PPP1R16B: variants seen among roughly 807,000 people sequenced by gnomAD.
PPP1R16B encodes protein phosphatase 1 regulatory subunit 16B, also known as protein phosphatase 1 regulatory inhibitor subunit 16B.
In PPP1R16B, 14 loss-of-function variants were observed where a neutral mutation model predicts 61.7. The observed-to-expected ratio is 0.23, with a 90% confidence interval of 0.15 to 0.35. PPP1R16B has a LOEUF of 0.35. Ranked by LOEUF, PPP1R16B falls within the 10% of genes least tolerant of loss-of-function variation. The pLI is 1.00. For synonymous variants in PPP1R16B, 266 were observed against 305.3 expected (o/e 0.87, Z 1.34); for missense variants, 547 against 752.5 (o/e 0.73, Z 3.19).
intron 2 of PPP1R16B, among the ~76,000 whole-genome samples, chr20:38,847,154 A>G (rs2084940531): frequency 6.6e-6 from 1 of 152,216 alleles, no homozygotes; most frequent in African/African-American, 2.4e-5. Flanking sequence ...GTGTGTATCC[A>G]TCCCTGCTAT....
intron 1 of PPP1R16B, among the ~76,000 whole-genome samples, chr20:38,814,497 A>G (rs1049795060): frequency 2.0e-5 from 3 of 152,160 alleles, no homozygotes; most frequent in South Asian, 2.1e-4. Flanking sequence ...TAATAATAGT[A>G]TAATATAAAT....
intron 1 of PPP1R16B, among the ~76,000 whole-genome samples, chr20:38,812,575 A>C (rs1380016715): frequency 6.6e-6 from 1 of 152,186 alleles, no homozygotes; most frequent in South Asian, 2.1e-4. Context: ...ATTCTGTACG[A>C]AAGAGGAGGG....
At chr20:38,886,226 G>C (rs1235430986) in intron 2 of PPP1R16B, among the ~76,000 whole-genome samples, 1 of 152,200 alleles carries the variant, frequency 6.6e-6, no homozygotes, top group Non-Finnish European at 1.5e-5. Context: ...GCACTGCTGA[G>C]GCAGCCTTGG....
At chr20:38,809,985 GAAAAAA>G (rs11086731) in intron 1 of PPP1R16B, among the ~76,000 whole-genome samples, 27 of 80,150 alleles carry the variant, frequency 3.4e-4, no homozygotes, top group East Asian at 1.2e-3. Context: ...ACCTTGTTTC[GAAAAAA>G]AAAAAAAAAA....
In PPP1R16B at chr20:38,918,014, A is replaced by G; in HGVS notation, c.1195-143A>G. The stretch of plus-strand genomic sequence containing the variant: ...GAAATTCATAGATTGGGGGTTCCCC[A>G]AAGGAAAACCCTGGCCCCGATACCC... On this transcript the variant is annotated intron_variant, in intron 10 of 10. Transcript: ENST00000299824. This position sits in a 1 kb window ranked among gnomAD's most constrained non-coding sequence, Gnocchi z 5.3. 1 of 1,181,036 alleles carries G rather than the reference A, an allele frequency of 8.5e-7. No individual in the cohort carries two copies. The highest frequency in any genetic ancestry group is 1.2e-6 in the Non-Finnish European group (1 of 841,084). 73.2% of individuals were successfully genotyped at this position (1,181,036 alleles called of 1,614,324 possible). A position where few individuals can be genotyped will look rare whatever the true frequency, so the allele number is the denominator to read the frequency against.
At chr20:38,821,297 G>A (rs991312808) in intron 1 of PPP1R16B, among the ~76,000 whole-genome samples, 1 of 152,220 alleles carries the variant, frequency 6.6e-6, no homozygotes, top group East Asian at 1.9e-4. Flanking sequence ...GAGGGAGAAT[G>A]TTCACATGTG....
At chr20:38,906,298 T>G (rs202200142) in intron 7 of PPP1R16B, among the ~76,000 whole-genome samples, 161 of 101,276 alleles carry the variant, frequency 1.6e-3, no homozygotes, top group Middle Eastern at 6.0e-3. Context: ...TTTTTTTTTT[T>G]TTTTTTTTTT....
In PPP1R16B at chr20:38,857,954, G is replaced by A. The variant is rs150266304; in HGVS notation, c.250+21779G>A. Among the ~76,000 whole-genome samples the A allele has an allele frequency of 2.6e-5, 4 of 152,162 alleles. No homozygotes were observed. In the East Asian group the frequency reaches 5.8e-4, roughly 22 times the overall value. ...ACTGGGTGGCGTAAACGATAGAAAC[G>A]TATTTCCTTACAGTTCTGGAAGCCA... On this transcript the variant is annotated intron_variant, in intron 2 of 10. Coordinates refer to ENST00000299824, the MANE Select transcript of PPP1R16B (RefSeq NM_015568.4).
chr20:38,835,155 T>C (rs1568656831), intron 1 of PPP1R16B, among the ~76,000 whole-genome samples: 1 of 152,312 alleles, frequency 6.6e-6, no homozygotes, highest in Admixed American at 6.5e-5. Flanking sequence ...ACTGCAATAG[T>C]GTATTGTTTC....
intron 6 of PPP1R16B, 125 bp downstream of exon 6, chr20:38,902,917 T>C: frequency 3.5e-6 from 5 of 1,442,536 alleles, no homozygotes; most frequent in Non-Finnish European, 4.7e-6. Context: ...AGAATCCTTT[T>C]GGGCCAGGAT....
intron 2 of PPP1R16B, among the ~76,000 whole-genome samples, chr20:38,872,596 C>A (rs866698673): frequency 1.3e-5 from 2 of 152,172 alleles, no homozygotes; most frequent in Admixed American, 6.5e-5. Flanking sequence ...GGTAGGGCCA[C>A]CGGATTTGCA....
intron 2 of PPP1R16B, 75 bp downstream of exon 2, chr20:38,836,250 CAGT>C: frequency 6.5e-7 from 1 of 1,539,232 alleles, no homozygotes; most frequent in African/African-American, 1.4e-5. Context: ...AGGTTCTGTG[CAGT>C]AGACGTGTGG....
intron 3 of PPP1R16B, among the ~76,000 whole-genome samples, chr20:38,893,485 T>A (rs906556410): frequency 2.6e-5 from 4 of 151,948 alleles, no homozygotes; most frequent in Admixed American, 2.0e-4. Flanking sequence ...GGAAAGATGA[T>A]GAAACTTCAT....
At chr20:38,885,380 A>G (rs2145756265) in intron 2 of PPP1R16B, among the ~76,000 whole-genome samples, 1 of 152,314 alleles carries the variant, frequency 6.6e-6, no homozygotes, top group South Asian at 2.1e-4. Flanking sequence ...TCTATCTTCA[A>G]GTAGAGGCTT....
chr20:38,907,102 G>A lies in PPP1R16B; in HGVS notation c.898+48G>A, dbSNP rs1428253384. ...TGTGCACAAATAGGCAGTTATCAATGTTTTGATGGGTAGAGGGAGAAATAG... is the reference window on the plus strand; with the variant it reads ...TGTGCACAAATAGGCAGTTATCAATATTTTGATGGGTAGAGGGAGAAATAG... On this transcript the variant is annotated intron_variant, in intron 8 of 10. Transcript: ENST00000299824. This position sits in a 1 kb window ranked among gnomAD's most constrained non-coding sequence, Gnocchi z 4.5. The A allele has an allele frequency of 2.1e-6, 3 of 1,412,170 alleles. No homozygotes were observed. Among genetic ancestry groups the A allele is most frequent in the Admixed American group, 1.7e-5 (1 of 59,690 alleles). 87.5% of individuals were successfully genotyped at this position (1,412,170 alleles called of 1,614,324 possible). A position where few individuals can be genotyped will look rare whatever the true frequency, so the allele number is the denominator to read the frequency against.
intron 2 of PPP1R16B, chr20:38,838,615 C>T (rs2084888302): frequency 6.6e-6 from 1 of 152,404 alleles, no homozygotes; most frequent in South Asian, 2.1e-4. Context: ...AGCCCCATCC[C>T]CACGCAGTGG....
In PPP1R16B at chr20:38,821,412, A is replaced by C. The variant is rs550148689; in HGVS notation, c.-101-14413A>C. 5.3e-5 allele frequency among the ~76,000 whole-genome samples: 8 copies of C among 152,354 alleles called. 1 individual carries two copies. In the South Asian group the frequency reaches 1.7e-3, roughly 32 times the overall value. On this transcript the variant is annotated intron_variant, in intron 1 of 10. Coordinates refer to ENST00000299824, the MANE Select transcript of PPP1R16B (RefSeq NM_015568.4). ...AGGGGGAAGCACTATGAAGCTCTGG[A>C]AAGATGCCACAGCAGGACTTTCATC... is the stretch of plus-strand genomic sequence containing the variant.
intron 1 of PPP1R16B, among the ~76,000 whole-genome samples, chr20:38,814,964 A>G (rs1261146248): frequency 1.3e-5 from 2 of 152,194 alleles, no homozygotes; most frequent in Non-Finnish European, 2.9e-5. Flanking sequence ...CTGGATAGAG[A>G]GGAAATGTTG....
chr20:38,894,590 A>G (rs2085320602), intron 3 of PPP1R16B, among the ~76,000 whole-genome samples: 1 of 152,288 alleles, frequency 6.6e-6, no homozygotes, highest in South Asian at 2.1e-4. Context: ...ACTGATGACC[A>G]AGCCCCAAGC....
Sources: gnomAD v4.1 joint callset for allele counts (sites outside exome capture counted in the v4.1 genomes callset) on GRCh38, gnomAD v4.1.1 for gene constraint, Gnocchi (gnomAD v3.1) non-coding constraint, MANE v1.5 for transcripts, NCBI Gene and HGNC (gene_info 2026-07-23, HGNC 2026-07-21) for gene names.